The following C12orf60 variants were observed in gnomAD, a reference collection of about 807,000 sequenced individuals.
C12orf60 encodes the protein chromosome 12 open reading frame 60.
For missense variants in C12orf60, 284 were observed against 283.2 expected (o/e 1.00, Z -0.02); for synonymous variants, 102 against 94.6 (o/e 1.08, Z -0.45).
intron 1 of C12orf60, 92 bp from the exon 2 acceptor site, chr12:14,822,820 A>G (rs1222584351): frequency 5.7e-6 from 6 of 1,059,694 alleles, no homozygotes; most frequent in Non-Finnish European, 6.7e-6. Flanking sequence ...TGGCAGGGGG[A>G]GTTATCTTCA....
chr12:14,804,816 G>A (rs535920680), intron 1 of C12orf60: 267 of 152,278 alleles, frequency 1.8e-3, no homozygotes, highest in African/African-American at 6.0e-3. Flanking sequence ...AATTTTATAT[G>A]TAGCTACTAT....
chr12:14,822,606 A>G (rs1358342407), intron 1 of C12orf60, among the ~76,000 whole-genome samples: 1 of 152,198 alleles, frequency 6.6e-6, no homozygotes, highest in Non-Finnish European at 1.5e-5. Context: ...ACTACATTGA[A>G]TAGTTAAGGG....
Position 14,822,317 on chromosome 12 carries a change from G to GACAACA in C12orf60, c.-24-572_-24-567dup, listed in dbSNP as rs746917116. Reference sequence around the variant, plus strand: ...ATATAGGAAGCAGGAGAAGACAAACGACAACAACAACAACAACAACAACAA... The same window carrying GACAACA: ...ATATAGGAAGCAGGAGAAGACAAACGACAACAACAACAACAACAACAACAACAACAA... On this transcript the variant is annotated intron_variant, in intron 1 of 1. Transcript: ENST00000330828. Among the ~76,000 whole-genome samples the GACAACA allele has an allele frequency of 2.5e-3, 373 of 149,948 alleles. 6 individuals are homozygous for GACAACA. The highest frequency in any genetic ancestry group is 7.6e-3 in the African/African-American group (308 of 40,378).
intron 1 of C12orf60, among the ~76,000 whole-genome samples, chr12:14,811,197 A>G (rs1161419588): frequency 6.6e-6 from 1 of 152,192 alleles, no homozygotes; most frequent in Non-Finnish European, 1.5e-5. Context: ...CCACTTTTGT[A>G]CAGAGTTTGT....
chr12:14,809,977 T>G (rs1293504076), intron 1 of C12orf60, among the ~76,000 whole-genome samples: 2 of 152,234 alleles, frequency 1.3e-5, no homozygotes, highest in Non-Finnish European at 2.9e-5. Flanking sequence ...TTTTCCTCCT[T>G]TTAAGTAGTC....
chr12:14,810,187 T>C (rs1219010664), intron 1 of C12orf60, among the ~76,000 whole-genome samples: 1 of 152,202 alleles, frequency 6.6e-6, no homozygotes, highest in Non-Finnish European at 1.5e-5. Flanking sequence ...GGGAGGGTTT[T>C]CTTGTGCTAA....
chr12:14,811,722 C>A (rs1208670014), intron 1 of C12orf60, among the ~76,000 whole-genome samples: 1 of 152,170 alleles, frequency 6.6e-6, no homozygotes, highest in African/African-American at 2.4e-5. Context: ...AGAAAAGGAA[C>A]TACCTTACAA....
chr12:14,823,467 G>A lies in C12orf60; in HGVS notation c.532G>A (p.Gly178Ser), dbSNP rs1950337524. The change falls in exon 2 of 2, where the codon GGT (glycine) becomes AGT (serine). Residue 178 changes from glycine (G) to serine (S), a missense_variant. Coordinates refer to ENST00000330828, the MANE Select transcript of C12orf60 (RefSeq NM_175874.4). ...ATCTGAGAGAACCAGAAGTCCTCCA[G>A]GTTCTTCCAAAACCACTATGATAGA... ...TTSERTRSPP[G>S]SSKTTMIDTL... The A allele has an allele frequency of 1.9e-6, 3 of 1,610,092 alleles. No homozygotes were observed. Among genetic ancestry groups the A allele is most frequent in the Non-Finnish European group, 2.5e-6 (3 of 1,179,116 alleles).
At chr12:14,816,209 TG>T (rs1950215839) in intron 1 of C12orf60, among the ~76,000 whole-genome samples, 1 of 152,166 alleles carries the variant, frequency 6.6e-6, no homozygotes, top group South Asian at 2.1e-4. Context: ...GTTTCACTGC[TG>T]GATTGACAGT....
intron 1 of C12orf60, chr12:14,806,676 G>A (rs369381649): frequency 1.3e-6 from 2 of 1,576,674 alleles, no homozygotes; most frequent in Non-Finnish European, 1.7e-6. Flanking sequence ...GTCACTTTGG[G>A]CCATATTTCC....
At chr12:14,807,405 T>C (rs1950070202) in intron 1 of C12orf60, among the ~76,000 whole-genome samples, 2 of 152,194 alleles carry the variant, frequency 1.3e-5, no homozygotes, top group Admixed American at 6.5e-5. Flanking sequence ...AGTCACCACA[T>C]TGACCACACC....
chr12:14,812,089 A>G (rs1011713326), intron 1 of C12orf60, among the ~76,000 whole-genome samples: 3 of 152,260 alleles, frequency 2.0e-5, no homozygotes, highest in Non-Finnish European at 4.4e-5. Flanking sequence ...TCACAAAGTT[A>G]TCATAATAGT....
intron 1 of C12orf60, among the ~76,000 whole-genome samples, chr12:14,818,156 C>T (rs551328603): frequency 6.6e-6 from 1 of 152,140 alleles, no homozygotes; most frequent in Admixed American, 6.5e-5. Flanking sequence ...TGTTCATATC[C>T]TTTGCCCATT....
intron 1 of C12orf60, among the ~76,000 whole-genome samples, chr12:14,813,231 G>A (rs7963212): frequency 0.37 from 56,529 of 152,022 alleles, 10,781 homozygotes; most frequent in Middle Eastern, 0.46. Flanking sequence ...ATGTTTAGTC[G>A]TTAGTGCTCT....
At chr12:14,805,854 G>C in intron 1 of C12orf60, 1 of 793,214 alleles carries the variant, frequency 1.3e-6, no homozygotes, top group Admixed American at 2.9e-5. Flanking sequence ...TAGTCATCTA[G>C]TCTTGGCATC....
At chr12:14,819,734 C>A (rs908049094) in intron 1 of C12orf60, among the ~76,000 whole-genome samples, 1 of 152,092 alleles carries the variant, frequency 6.6e-6, no homozygotes, top group East Asian at 1.9e-4. Flanking sequence ...TTAAAAATGC[C>A]TTTTCTGCAT....
At chr12:14,821,511 A>G (rs917774518) in intron 1 of C12orf60, among the ~76,000 whole-genome samples, 1 of 152,134 alleles carries the variant, frequency 6.6e-6, no homozygotes, top group African/African-American at 2.4e-5. Flanking sequence ...TGGTTACTCT[A>G]GAGATTATAA....
At chr12:14,817,657 A>T (rs1950241768) in intron 1 of C12orf60, among the ~76,000 whole-genome samples, 1 of 152,192 alleles carries the variant, frequency 6.6e-6, no homozygotes, top group African/African-American at 2.4e-5. Context: ...AAAGGACATG[A>T]TCTCATTCCT....
chr12:14,806,536 A>C, intron 1 of C12orf60: 14 of 1,614,054 alleles, frequency 8.7e-6, no homozygotes, highest in Non-Finnish European at 1.2e-5. Context: ...GCCAGCCTGC[A>C]CCCCAAGTGC....
Sources: allele counts gnomAD v4.1 joint callset (sites outside exome capture counted in the v4.1 genomes callset), GRCh38; gene constraint gnomAD v4.1.1; transcripts MANE v1.5; gene names NCBI Gene and HGNC (gene_info 2026-07-23, HGNC 2026-07-21).